Variants in TNRC6B observed in about 807,000 individuals in gnomAD.
TNRC6B encodes trinucleotide repeat containing adaptor 6B.
TNRC6B carries 52 observed loss-of-function variants against 203.6 expected under a neutral mutation model. That is an observed-to-expected ratio of 0.26 (90% CI 0.20 to 0.32). The LOEUF is 0.32. Ranked by LOEUF, TNRC6B falls within the 10% of genes least tolerant of loss-of-function variation. The probability of loss-of-function intolerance (pLI) is 1.00; values close to 1 mark genes in which losing one functional copy is unlikely to be tolerated. For missense variants in TNRC6B, 1,923 were observed against 2,286.2 expected (o/e 0.84, Z 3.24); for synonymous variants, 838 against 845.7 (o/e 0.99, Z 0.16).
At chr22:40,258,832 C>T (rs1456946041) in intron 3 of TNRC6B, among the ~76,000 whole-genome samples, 2 of 152,208 alleles carry the variant, frequency 1.3e-5, no homozygotes, top group African/African-American at 4.8e-5. Flanking sequence ...TCAGTTGAAA[C>T]AGTGCTGTGA....
At chr22:40,298,014 A>G (rs979685831) in intron 12 of TNRC6B, among the ~76,000 whole-genome samples, 3 of 151,098 alleles carry the variant, frequency 2.0e-5, no homozygotes, top group Admixed American at 2.0e-4. Flanking sequence ...AGTCCCAGCT[A>G]TTCGGGAGGC....
intron 1 of TNRC6B, among the ~76,000 whole-genome samples, chr22:40,108,472 T>A (rs2068305743): frequency 6.6e-6 from 1 of 152,246 alleles, no homozygotes. Context: ...ATTTTCTTTA[T>A]CTTTTTCAAT....
chr22:40,115,320 T>C (rs1286288858), intron 1 of TNRC6B, among the ~76,000 whole-genome samples: 4 of 152,230 alleles, frequency 2.6e-5, no homozygotes, highest in Non-Finnish European at 5.9e-5. Flanking sequence ...ATTAGTGTTA[T>C]TCTCTTGATA....
intron 1 of TNRC6B, among the ~76,000 whole-genome samples, chr22:40,226,261 A>G (rs2069784149): frequency 6.6e-6 from 1 of 152,194 alleles, no homozygotes; most frequent in Non-Finnish European, 1.5e-5. Context: ...GAGCATTGAG[A>G]AGTAGGGTAC....
At chr22:40,074,939 C>A (rs1456363144) in intron 1 of TNRC6B, among the ~76,000 whole-genome samples, 1 of 151,862 alleles carries the variant, frequency 6.6e-6, no homozygotes, top group Admixed American at 6.6e-5. Flanking sequence ...GCGTAGGCAA[C>A]AGAGCGAGAC....
In TNRC6B at chr22:40,265,411, T is replaced by C. The variant is rs1323545105; in HGVS notation, c.1181T>C (p.Met394Thr). 1.2e-6 allele frequency: 2 copies of C among 1,614,042 alleles called. No homozygotes were observed. Among genetic ancestry groups the C allele is most frequent in the East Asian group, 2.2e-5 (1 of 44,890 alleles). ...CCAAACCCCATGGAGAATAAGGGAA[T>C]GCCCTTTGGAATGGGCTTGGGGAAC... ...SSPNPMENKG[M>T]PFGMGLGNTS... The change falls in exon 5 of 23, where the codon ATG (methionine) becomes ACG (threonine). Residue 394 changes from methionine (M) to threonine (T), a missense_variant. Coordinates refer to ENST00000454349, the MANE Select transcript of TNRC6B (RefSeq NM_001162501.2).
At chr22:40,214,726 T>G (rs377468741) in intron 1 of TNRC6B, among the ~76,000 whole-genome samples, 2 of 152,108 alleles carry the variant, frequency 1.3e-5, no homozygotes, top group African/African-American at 2.4e-5. Flanking sequence ...CTAATTATTT[T>G]TTATTTTTGT....
chr22:40,218,192 T>A (rs2069660457), intron 1 of TNRC6B, among the ~76,000 whole-genome samples: 1 of 152,006 alleles, frequency 6.6e-6, no homozygotes, highest in African/African-American at 2.4e-5. Flanking sequence ...GAATGATTTT[T>A]AAAATTTTTT....
chr22:40,321,601 C>T (rs898960399), intron 22 of TNRC6B: 3 of 192,970 alleles, frequency 1.6e-5, no homozygotes, highest in Non-Finnish European at 3.3e-5. Context: ...TCTTGGCCAA[C>T]ATGGTAAAAC....
chr22:40,227,641 G>A (rs1203250063), intron 1 of TNRC6B, among the ~76,000 whole-genome samples: 4 of 152,096 alleles, frequency 2.6e-5, no homozygotes, highest in Non-Finnish European at 5.9e-5. Context: ...GTGAGCCACT[G>A]CACCTGGTCC....
chr22:40,312,921 C>T lies in TNRC6B; in HGVS notation c.4602C>T (p.Asn1534=), dbSNP rs1179160642. The T allele has an allele frequency of 1.2e-6, 2 of 1,613,782 alleles. No homozygotes were observed. The highest frequency in any genetic ancestry group is 8.5e-7 in the Non-Finnish European group (1 of 1,179,804). Residue 1534 remains asparagine (N), a synonymous_variant, in exon 19 of 23, where the codon AAC becomes AAT. Coordinates refer to ENST00000454349, the MANE Select transcript of TNRC6B (RefSeq NM_001162501.2). ...CCCAAGGGTCTAATTCTTCCCTCAA[C>T]ACCTCGCTGCCTTCACCTGGTGCCT... ...DNTTGSNSSL[N]TSLPSPGAWP...
Position 40,071,794 on chromosome 22 carries a change from G to T in TNRC6B, c.-121+26796G>T, listed in dbSNP as rs556293745. On this transcript the variant is annotated intron_variant, in intron 1 of 23. Coordinates refer to the TNRC6B transcript ENST00000301923. ...GAGATGGCCTTTTCTGTGTTAACTG[G>T]CAGTTATAGCTTTTATTTCTAGAGC... Among the ~76,000 whole-genome samples, 3 of 152,136 alleles carry T rather than the reference G, an allele frequency of 2.0e-5. No individual in the cohort carries two copies. In the South Asian group the frequency reaches 6.2e-4, roughly 31 times the overall value.
At chr22:40,153,560 AC>A (rs1439209350) in intron 3 of TNRC6B, among the ~76,000 whole-genome samples, 110 of 151,636 alleles carry the variant, frequency 7.3e-4, no homozygotes, top group African/African-American at 2.6e-3. Flanking sequence ...AAAAAAAAAA[AC>A]AAAAAGAATA....
intron 3 of TNRC6B, among the ~76,000 whole-genome samples, chr22:40,260,128 T>C (rs901941740): frequency 6.6e-6 from 1 of 152,044 alleles, no homozygotes. Context: ...TTTAAAAAAA[T>C]CAAATGATTT....
rs988717820 is a variant in TNRC6B, at chr22:40,326,878, T to C, written c.*3637T>C. 1 of 152,626 alleles carries C rather than the reference T, an allele frequency of 6.6e-6. No individual in the cohort carries two copies. The highest frequency in any genetic ancestry group is 2.4e-5 in the African/African-American group (1 of 41,454). 9.5% of individuals were successfully genotyped at this position (152,626 alleles called of 1,614,324 possible). A position where few individuals can be genotyped will look rare whatever the true frequency, so the allele number is the denominator to read the frequency against. On this transcript the variant is annotated 3_prime_UTR_variant, in exon 23 of 23. Coordinates refer to ENST00000454349, the MANE Select transcript of TNRC6B (RefSeq NM_001162501.2). ...GGGAGGAGGAGAAAATATAGAAGAA[T>C]CTAATAAGGAACAAGTGATTTTACT...
At chr22:40,141,012 A>G (rs1378116630) in intron 3 of TNRC6B, among the ~76,000 whole-genome samples, 6 of 152,052 alleles carry the variant, frequency 3.9e-5, no homozygotes, top group South Asian at 2.1e-4. Context: ...ATGAGGAAAA[A>G]ATTTTAAGAT....
At chr22:40,050,372 A>G (rs887205430) in intron 1 of TNRC6B, among the ~76,000 whole-genome samples, 1 of 151,930 alleles carries the variant, frequency 6.6e-6, no homozygotes, top group Non-Finnish European at 1.5e-5. Flanking sequence ...TTTACACCCC[A>G]TCCTCCTCTC....
At chr22:40,216,115 GC>G (rs2069631283) in intron 1 of TNRC6B, among the ~76,000 whole-genome samples, 1 of 152,216 alleles carries the variant, frequency 6.6e-6, no homozygotes, top group African/African-American at 2.4e-5. Flanking sequence ...CAGCCACATT[GC>G]TTTCTGCTGC....
intron 1 of TNRC6B, among the ~76,000 whole-genome samples, chr22:40,235,893 G>T (rs1035426604): frequency 1.3e-5 from 2 of 152,194 alleles, no homozygotes; most frequent in Non-Finnish European, 2.9e-5. Context: ...TAAAGAAAAT[G>T]ATTTAAAGTA....
Sources: gnomAD v4.1 joint callset for allele counts (sites outside exome capture counted in the v4.1 genomes callset) on GRCh38, gnomAD v4.1.1 for gene constraint, MANE v1.5 for transcripts, NCBI Gene and HGNC (gene_info 2026-07-23, HGNC 2026-07-21) for gene names.